SNX18: variants seen among roughly 807,000 people sequenced by gnomAD.
SNX18 encodes the protein sorting nexin 18, also known as sorting nexin-18.
Under a neutral mutation model 48.7 loss-of-function variants are expected in SNX18, and 35 were observed. The ratio of observed to expected loss-of-function variants is 0.72; its 90% CI spans 0.55 to 0.95. SNX18 has a LOEUF of 0.95. SNX18 is among the 40% of genes least tolerant of loss of function. SNX18 has a pLI of 0.00. For missense variants in SNX18, 824 were observed against 871.0 expected (o/e 0.95, Z 0.68); for synonymous variants, 492 against 384.7 (o/e 1.28, Z -3.26).
chr5:54,571,117 G>T, the SNX18 span, among the ~76,000 whole-genome samples: 2 of 152,064 alleles, frequency 1.3e-5, no homozygotes, highest in East Asian at 3.9e-4. Context: ...GATTGGAGGA[G>T]GCCTCCTGTG....
the SNX18 span, among the ~76,000 whole-genome samples, chr5:54,606,264 G>T: frequency 1.3e-5 from 2 of 152,154 alleles, no homozygotes; most frequent in Non-Finnish European, 2.9e-5. Flanking sequence ...AATTGTAAAT[G>T]ACATCCCTGT....
Position 54,518,249 on chromosome 5 carries a change from G to T in SNX18, c.297G>T (p.Pro99=). ...TCGCGCCCCCCGCCTCCTTCAAGCC[G>T]CCGCCTGACGCCTTCCAGGCGCTGC... is the stretch of plus-strand genomic sequence containing the variant. ...LPVAPPASFK[P]PPDAFQALLQ... Residue 99 remains proline (P), a synonymous_variant, in exon 1 of 2, where the codon CCG becomes CCT. Transcript: ENST00000381410. 6.9e-7 allele frequency: 1 copy of T among 1,453,258 alleles called. No individual in the cohort carries two copies. Among genetic ancestry groups the T allele is most frequent in the East Asian group, 2.9e-5 (1 of 33,904 alleles). The allele number at this position is 1,453,258 out of a possible 1,614,324, so 90.0% of individuals were successfully genotyped here.
chr5:54,644,342 A>G, the SNX18 span: 1 of 152,264 alleles, frequency 6.6e-6, no homozygotes, highest in Admixed American at 6.5e-5. Flanking sequence ...TGTCACAAAG[A>G]CAGCTGATGT....
chr5:54,530,744 A>ATT lies in SNX18; in HGVS notation c.1621+11196_1621+11197dup, dbSNP rs70986692. On this transcript the variant is annotated intron_variant, in intron 1 of 1. Transcript: ENST00000381410. The stretch of plus-strand genomic sequence containing the variant: ...TGCAGACAGGAGCTGAACCACAGAA[A>ATT]TTTTTTTTTTTTTTTTTTTTTTTTT... Among the ~76,000 whole-genome samples, 37 of 72,510 alleles carry ATT rather than the reference A, an allele frequency of 5.1e-4. 3 individuals are homozygous for ATT. Among genetic ancestry groups the ATT allele is most frequent in the Admixed American group, 1.5e-3 (7 of 4,674 alleles). The allele number at this position is 72,510 out of a possible 152,430, so 47.6% of individuals were successfully genotyped here.
chr5:54,519,823 C>T lies in SNX18; in HGVS notation c.1621+250C>T, dbSNP rs138626050. ...AAGGTTCAAAGAGTACCTTTGATGA[C>T]AGTGCTATCATTTTAGAGTTTGAAT... On this transcript the variant is annotated intron_variant, in intron 1 of 1. Coordinates refer to ENST00000381410, the MANE Select transcript of SNX18 (RefSeq NM_001102575.2). 2.3e-4 allele frequency: 374 copies of T among 1,601,740 alleles called. No individual in the cohort carries two copies. Among genetic ancestry groups the T allele is most frequent in the Non-Finnish European group, 3.1e-4 (362 of 1,172,496 alleles).
chr5:54,601,369 G>C, the SNX18 span, among the ~76,000 whole-genome samples: 2 of 152,146 alleles, frequency 1.3e-5, no homozygotes, highest in African/African-American at 4.8e-5. Context: ...GGCTACCCAG[G>C]ATGTACCAGG....
chr5:54,601,111 T>C, the SNX18 span, among the ~76,000 whole-genome samples: 5 of 151,806 alleles, frequency 3.3e-5, no homozygotes, highest in African/African-American at 1.2e-4. Flanking sequence ...TGTCCATCCA[T>C]CCATCCATCC....
At chr5:54,528,605 A>C (rs1367823850) in intron 1 of SNX18, among the ~76,000 whole-genome samples, 1 of 152,184 alleles carries the variant, frequency 6.6e-6, no homozygotes, top group Non-Finnish European at 1.5e-5. Flanking sequence ...TTGATAAGCA[A>C]GGTACCCGGT....
the SNX18 span, among the ~76,000 whole-genome samples, chr5:54,604,762 T>A: frequency 1.3e-5 from 2 of 151,958 alleles, no homozygotes; most frequent in Admixed American, 6.6e-5. Flanking sequence ...ATGGTTAAAA[T>A]GGCAAAATTT....
At chr5:54,551,179 A>T (rs2072622375), downstream of SNX18, among the ~76,000 whole-genome samples, 1 of 152,116 alleles carries the variant, frequency 6.6e-6, no homozygotes, top group Non-Finnish European at 1.5e-5. Flanking sequence ...AAGGCACAGG[A>T]AGAACTATCT....
downstream of SNX18, among the ~76,000 whole-genome samples, chr5:54,546,887 G>T (rs910055253): frequency 6.6e-6 from 1 of 152,206 alleles, no homozygotes; most frequent in African/African-American, 2.4e-5. Flanking sequence ...GACAGAAGCA[G>T]GTGCTTAAGT....
chr5:54,577,755 TGGAAAGGACACCA>T, the SNX18 span, among the ~76,000 whole-genome samples: 1 of 152,194 alleles, frequency 6.6e-6, no homozygotes, highest in Non-Finnish European at 1.5e-5. Flanking sequence ...GCTGAAGCTC[TGGAAAGGACACCA>T]GGAAAGCCAC....
the SNX18 span, among the ~76,000 whole-genome samples, chr5:54,570,020 C>G: frequency 1.3e-5 from 2 of 152,222 alleles, no homozygotes; most frequent in East Asian, 3.8e-4. Context: ...CAAGTCCTAA[C>G]ACTCAGTACG....
chr5:54,521,932 C>T (rs1052504020), intron 1 of SNX18, among the ~76,000 whole-genome samples: 3 of 152,084 alleles, frequency 2.0e-5, no homozygotes, highest in African/African-American at 7.2e-5. Flanking sequence ...TGAAAAACTT[C>T]CTTCATTAAA....
chr5:54,545,797 T>C lies in SNX18; in HGVS notation c.*2365T>C, dbSNP rs1355265971. On this transcript the variant is annotated 3_prime_UTR_variant, in exon 2 of 2. Coordinates refer to ENST00000381410, the MANE Select transcript of SNX18 (RefSeq NM_001102575.2). ...AATGTTAAACCCAAGAGAAAAGCCA[T>C]TATCATGTGTATGCTGGTCATCATG... The C allele has an allele frequency of 6.6e-6, 1 of 152,196 alleles. No individual in the cohort carries two copies. Among genetic ancestry groups the C allele is most frequent in the African/African-American group, 2.4e-5 (1 of 41,436 alleles). 9.4% of individuals were successfully genotyped at this position (152,196 alleles called of 1,614,324 possible). A position where few individuals can be genotyped will look rare whatever the true frequency, so the allele number is the denominator to read the frequency against.
the SNX18 span, among the ~76,000 whole-genome samples, chr5:54,566,937 C>G: frequency 6.6e-6 from 1 of 152,238 alleles, no homozygotes; most frequent in African/African-American, 2.4e-5. Flanking sequence ...GAAAGTCTCA[C>G]CATTGGGCCT....
At chr5:54,572,726 T>TTGTGTGTGTGTG in the SNX18 span, among the ~76,000 whole-genome samples, 5 of 38,664 alleles carry the variant, frequency 1.3e-4, no homozygotes, top group East Asian at 5.4e-4. Flanking sequence ...CTCCTCCAAA[T>TTGTGTGTGTGTG]TGTGTGTGTG....
chr5:54,524,223 A>G (rs1468823159), intron 1 of SNX18, among the ~76,000 whole-genome samples: 1 of 152,168 alleles, frequency 6.6e-6, no homozygotes, highest in Non-Finnish European at 1.5e-5. Flanking sequence ...TCCTTGGTTA[A>G]AATATAAATG....
downstream of SNX18, among the ~76,000 whole-genome samples, chr5:54,547,617 A>C (rs1329099957): frequency 6.6e-6 from 1 of 152,178 alleles, no homozygotes; most frequent in Non-Finnish European, 1.5e-5. Context: ...CTGTGCTGCT[A>C]TGTCTGGTCT....
Sources: allele counts gnomAD v4.1 joint callset (sites outside exome capture counted in the v4.1 genomes callset), GRCh38; gene constraint gnomAD v4.1.1; transcripts MANE v1.5; gene names NCBI Gene and HGNC (gene_info 2026-07-23, HGNC 2026-07-21).